Variants in IL1RAPL2 observed in about 807,000 individuals in gnomAD.
IL1RAPL2 encodes X-linked interleukin-1 receptor accessory protein-like 2.
In IL1RAPL2, 3 loss-of-function variants were observed where a neutral mutation model predicts 44.1. That is an observed-to-expected ratio of 0.07 (90% CI 0.03 to 0.18). IL1RAPL2 has a LOEUF of 0.18. Among genes scored for constraint, IL1RAPL2 ranks in the 10% least tolerant of loss-of-function variants. The pLI is 1.00. For missense variants in IL1RAPL2, 391 were observed against 496.4 expected, an observed-to-expected ratio of 0.79 and a Z score of 2.02; for synonymous variants, 181 against 178.8, an observed-to-expected ratio of 1.01 and a Z score of -0.10.
At chrX:104,905,376 C>T (rs1176935532) in intron 2 of IL1RAPL2, among the ~76,000 whole-genome samples, 1 of 111,114 alleles carries the variant, frequency 9.0e-6, no homozygotes, top group Non-Finnish European at 1.9e-5. Context: ...GAAGTCCTTG[C>T]CCATGTCTAT....
intron 2 of IL1RAPL2, among the ~76,000 whole-genome samples, chrX:104,797,123 C>G (rs190736731): frequency 9.8e-6 from 1 of 102,097 alleles, no homozygotes; most frequent in Non-Finnish European, 2.0e-5. Flanking sequence ...AATCCTTTAT[C>G]TCTCCAAAAG....
intron 5 of IL1RAPL2, among the ~76,000 whole-genome samples, chrX:105,382,560 G>T (rs2035441333): frequency 9.7e-6 from 1 of 103,621 alleles, no homozygotes. Context: ...AAGTCAGTGT[G>T]GCGATTCCTC....
At chrX:105,071,382 T>C (rs1232851958) in intron 2 of IL1RAPL2, among the ~76,000 whole-genome samples, 2 of 111,257 alleles carry the variant, frequency 1.8e-5, no homozygotes, top group African/African-American at 6.5e-5. Flanking sequence ...AAAATACAAA[T>C]ACATGGGAGG....
At chrX:104,746,938 C>G (rs1932184963) in intron 2 of IL1RAPL2, among the ~76,000 whole-genome samples, 1 of 111,304 alleles carries the variant, frequency 9.0e-6, no homozygotes, top group African/African-American at 3.3e-5. Flanking sequence ...TATATCAATC[C>G]TTAGCTCAGA....
chrX:104,859,790 G>T (rs998720728), intron 2 of IL1RAPL2, among the ~76,000 whole-genome samples: 1 of 112,192 alleles, frequency 8.9e-6, no homozygotes, highest in African/African-American at 3.2e-5. Context: ...ATGTAATATA[G>T]TTTAATGACT....
intron 2 of IL1RAPL2, among the ~76,000 whole-genome samples, chrX:104,934,080 A>G (rs1196813093): frequency 2.7e-5 from 3 of 112,277 alleles, no homozygotes; most frequent in Non-Finnish European, 5.6e-5. Context: ...GCAAGATAAC[A>G]TAGCTCTTAT....
chrX:105,350,476 C>A (rs1455554203), intron 5 of IL1RAPL2, among the ~76,000 whole-genome samples: 1 of 112,512 alleles, frequency 8.9e-6, no homozygotes. Flanking sequence ...GTAATCCCAG[C>A]ACTTTGGGAG....
At chrX:104,789,120 A>G (rs1932813296) in intron 2 of IL1RAPL2, among the ~76,000 whole-genome samples, 2 of 112,285 alleles carry the variant, frequency 1.8e-5, no homozygotes, top group South Asian at 7.4e-4. Context: ...TTAAAATTGG[A>G]ACCACAAATC....
chrX:105,696,597 C>G (rs2038078399), intron 6 of IL1RAPL2, among the ~76,000 whole-genome samples: 1 of 111,441 alleles, frequency 9.0e-6, no homozygotes, highest in Non-Finnish European at 1.9e-5. Flanking sequence ...GTGTCATGGT[C>G]CTGGCCAAAT....
At chrX:104,920,839 C>A (rs1414183090) in intron 2 of IL1RAPL2, among the ~76,000 whole-genome samples, 1 of 110,051 alleles carries the variant, frequency 9.1e-6, no homozygotes, top group Non-Finnish European at 1.9e-5. Flanking sequence ...CTGGGAGGTG[C>A]CTTTTCTGTG....
intron 2 of IL1RAPL2, among the ~76,000 whole-genome samples, chrX:104,926,060 A>T: frequency 8.9e-6 from 1 of 112,328 alleles, no homozygotes; most frequent in South Asian, 3.7e-4. Context: ...AGCAAAGCTG[A>T]GGGTGATCAT....
intron 2 of IL1RAPL2, among the ~76,000 whole-genome samples, chrX:104,819,384 A>G (rs1424592722): frequency 1.8e-5 from 2 of 111,656 alleles, no homozygotes; most frequent in Non-Finnish European, 3.8e-5. Context: ...ACATCCTAAT[A>G]TACTCATTGT....
chrX:104,828,907 C>G (rs1196306240), intron 2 of IL1RAPL2, among the ~76,000 whole-genome samples: 1 of 112,698 alleles, frequency 8.9e-6, no homozygotes, highest in Non-Finnish European at 1.9e-5. Flanking sequence ...TCCGAACTTC[C>G]TGGCGGCTTT....
intron 2 of IL1RAPL2, among the ~76,000 whole-genome samples, chrX:105,018,638 C>T (rs1414743670): frequency 1.1e-4 from 12 of 111,077 alleles, no homozygotes; most frequent in Non-Finnish European, 2.3e-4. Flanking sequence ...TCAGTTTTGT[C>T]ATTTAAAAAC....
chrX:104,703,529 C>T (rs752181585), intron 2 of IL1RAPL2, among the ~76,000 whole-genome samples: 1 of 112,178 alleles, frequency 8.9e-6, no homozygotes, highest in East Asian at 2.8e-4. Context: ...ATGTCTTATT[C>T]TCCTCTGTAT....
At chrX:104,786,359 G>A in intron 2 of IL1RAPL2, among the ~76,000 whole-genome samples, 1 of 111,910 alleles carries the variant, frequency 8.9e-6, no homozygotes, top group South Asian at 3.8e-4. Context: ...CATTCCCACT[G>A]CTGTACATGG....
chrX:105,014,767 A>G lies in IL1RAPL2; in HGVS notation c.83-180708A>G, dbSNP rs60746724. Among the ~76,000 whole-genome samples, 920 of 112,422 alleles carry G rather than the reference A, an allele frequency of 8.2e-3. 9 individuals carry two copies. The highest frequency in any genetic ancestry group is 0.026 in the African/African-American group (816 of 30,972). ...CTTTGCTACTGTGAACAGTGCCACA[A>G]TAAACATATGGGTGCGTGTGTCTTT... On this transcript the variant is annotated intron_variant, in intron 2 of 10. Coordinates refer to ENST00000372582, the MANE Select transcript of IL1RAPL2 (RefSeq NM_017416.2).
intron 6 of IL1RAPL2, among the ~76,000 whole-genome samples, chrX:105,544,638 T>TA (rs1238299401): frequency 8.9e-6 from 1 of 112,008 alleles, no homozygotes; most frequent in Non-Finnish European, 1.9e-5. Context: ...ATCTTGCTTT[T>TA]AAAAAACCTA....
chrX:105,761,218 T>TAC (rs1491207506), intron 10 of IL1RAPL2, among the ~76,000 whole-genome samples: 6 of 83,206 alleles, frequency 7.2e-5, no homozygotes, highest in South Asian at 6.2e-4. Flanking sequence ...AAACTCTTCC[T>TAC]ATACACACAC....
Sources: allele counts gnomAD v4.1 joint callset (sites outside exome capture counted in the v4.1 genomes callset), GRCh38; gene constraint gnomAD v4.1.1; transcripts MANE v1.5; gene names NCBI Gene and HGNC (gene_info 2026-07-23, HGNC 2026-07-21).